CLEC4D: variants seen among roughly 807,000 people sequenced by gnomAD.
The protein encoded by CLEC4D is C-type lectin domain family 4 member D, also known as C-type (calcium dependent, carbohydrate-recognition domain) lectin, superfamily member 8.
In CLEC4D, 21 loss-of-function variants were observed where a neutral mutation model predicts 21.1. That is an observed-to-expected ratio of 1.00 (90% CI 0.71 to 1.43). The LOEUF is 1.43. CLEC4D is among the 40% of genes most tolerant of loss of function. The pLI, the probability that CLEC4D is intolerant of heterozygous loss-of-function variation, is 0.00. For synonymous variants in CLEC4D, 85 were observed against 83.1 expected (o/e 1.02, Z -0.12); for missense variants, 289 against 260.7 (o/e 1.11, Z -0.75).
intron 1 of CLEC4D, among the ~76,000 whole-genome samples, chr12:8,513,994 A>C (rs1940343068): frequency 1.3e-5 from 2 of 152,248 alleles, no homozygotes; most frequent in South Asian, 2.1e-4. Flanking sequence ...TATATAAAAG[A>C]GAAATAAGAT....
Position 8,519,091 on chromosome 12 carries a change from G to A in CLEC4D, c.315G>A (p.Trp105Ter). The stretch of plus-strand genomic sequence containing the variant: ...TTCCTCTTACTGACAACAAGACGTG[G>A]GCTGAGAGTGAAAGGAACTGTTCAG... ...CYFPLTDNKT[W>*]AESERNCSGM... Residue 105 changes from tryptophan to a stop codon, truncating the protein, a stop_gained, in exon 4 of 6, where the codon TGG becomes TGA. Transcript: ENST00000299665. LOFTEE classifies it high-confidence loss of function. The A allele has an allele frequency of 1.2e-6, 2 of 1,614,110 alleles. No individual in the cohort carries two copies. Among genetic ancestry groups the A allele is most frequent in the Non-Finnish European group, 1.7e-6 (2 of 1,180,008 alleles).
Position 8,519,030 on chromosome 12 carries a change from C to G in CLEC4D, c.254C>G (p.Pro85Arg), listed in dbSNP as rs144479200. Residue 85 changes from proline to arginine, a missense_variant, in exon 4 of 6, where the codon CCT becomes CGT. By Grantham distance (103) the Pro-to-Arg change is moderately radical. Coordinates refer to ENST00000299665, the MANE Select transcript of CLEC4D (RefSeq NM_080387.5). ...SAEGSTWNCC[P>R]IDWRAFQSNC... The stretch of plus-strand genomic sequence containing the variant: ...TGAGGGAGCACCTGGAACTGTTGTC[C>G]TATTGACTGGAGAGCCTTCCAGTCC... The G allele has an allele frequency of 1.2e-6, 2 of 1,613,848 alleles. No homozygotes were observed. The highest frequency in any genetic ancestry group is 2.7e-5 in the African/African-American group (2 of 74,900).
At chr12:8,529,175 G>T in the CLEC4D span, among the ~76,000 whole-genome samples, 5 of 152,110 alleles carry the variant, frequency 3.3e-5, no homozygotes, top group Non-Finnish European at 5.9e-5. Context: ...CGTTCAGATT[G>T]GGAAAGGAAG....
Position 8,522,187 on chromosome 12 carries a change from C to T in CLEC4D, c.*916C>T, listed in dbSNP as rs747462360. The T allele has an allele frequency of 2.6e-5, 4 of 152,136 alleles. No homozygotes were observed. Among genetic ancestry groups the T allele is most frequent in the Non-Finnish European group, 5.9e-5 (4 of 67,990 alleles). The allele number at this position is 152,136 out of a possible 1,614,324, so 9.4% of individuals were successfully genotyped here. ...TATTAATTTGAATAGAAAATAATCA[C>T]ATTTTCAACCCATTTATACAAATTG... On this transcript the variant is annotated 3_prime_UTR_variant, in exon 6 of 6. Coordinates refer to ENST00000299665, the MANE Select transcript of CLEC4D (RefSeq NM_080387.5).
At chr12:8,513,794 G>T (rs1009500974) in intron 1 of CLEC4D, 34 bp downstream of exon 1, 1 of 929,720 alleles carries the variant, frequency 1.1e-6, no homozygotes, top group Non-Finnish European at 1.8e-6. Context: ...TTTCAAAGAA[G>T]CAGATGGAAT....
Position 8,518,278 on chromosome 12 carries a change from C to T in CLEC4D, c.232+4C>T. On this transcript the variant is annotated splice_donor_region_variant and intron_variant, in intron 3 of 5. Coordinates refer to ENST00000299665, the MANE Select transcript of CLEC4D (RefSeq NM_080387.5). ...TCAGAACTGAAAAGTGCTGAAGGTA[C>T]AGAGTGTAAGATAATTTCTTTTTTA... 9.7e-7 allele frequency: 1 copy of T among 1,029,242 alleles called. No individual in the cohort carries two copies. Among genetic ancestry groups the T allele is most frequent in the Non-Finnish European group, 1.5e-6 (1 of 651,898 alleles). 63.8% of individuals were successfully genotyped at this position (1,029,242 alleles called of 1,614,324 possible). A position where few individuals can be genotyped will look rare whatever the true frequency, so the allele number is the denominator to read the frequency against.
In CLEC4D at chr12:8,513,593, C is replaced by T; in HGVS notation, c.-140C>T. ...TTTCTTATACTGGTACCTTTCTAAT[C>T]TCACTACAATATGTAACATTGGTGT... On this transcript the variant is annotated 5_prime_UTR_variant, in exon 1 of 6. Transcript: ENST00000299665. 1 of 472,634 alleles carries T rather than the reference C, an allele frequency of 2.1e-6. No individual in the cohort carries two copies. The highest frequency in any genetic ancestry group is 3.9e-6 in the Non-Finnish European group (1 of 256,414). The allele number at this position is 472,634 out of a possible 1,614,324, so 29.3% of individuals were successfully genotyped here.
chr12:8,530,169 T>C, the CLEC4D span, among the ~76,000 whole-genome samples: 1 of 152,136 alleles, frequency 6.6e-6, no homozygotes, highest in African/African-American at 2.4e-5. Flanking sequence ...AAAGAAGAAA[T>C]GAAAGGAATT....
downstream of CLEC4D, among the ~76,000 whole-genome samples, chr12:8,525,102 A>G (rs1301842517): frequency 6.6e-6 from 1 of 152,072 alleles, no homozygotes; most frequent in Non-Finnish European, 1.5e-5. Context: ...ATTTGCTGAG[A>G]AGTGCTTTAC....
intron 2 of CLEC4D, among the ~76,000 whole-genome samples, chr12:8,517,279 GTTTA>G (rs1940392918): frequency 6.6e-6 from 1 of 151,826 alleles, no homozygotes; most frequent in Non-Finnish European, 1.5e-5. Context: ...TTTTACATTT[GTTTA>G]TTTTTTATTA....
In CLEC4D at chr12:8,522,142, CATT is replaced by C. The variant is rs1193685780; in HGVS notation, c.*872_*874del. The C allele has an allele frequency of 6.6e-6, 1 of 152,132 alleles. No homozygotes were observed. Among genetic ancestry groups the C allele is most frequent in the Admixed American group, 6.5e-5 (1 of 15,272 alleles). 9.4% of individuals were successfully genotyped at this position (152,132 alleles called of 1,614,324 possible). On this transcript the variant is annotated 3_prime_UTR_variant, in exon 6 of 6. Coordinates refer to ENST00000299665, the MANE Select transcript of CLEC4D (RefSeq NM_080387.5). ...AAAATTTCTTAATTGTTTGAAGTAA[CATT>C]GTATTCGTGTTTGCATTATTAATTT...
chr12:8,514,042 G>T (rs1352410727), intron 1 of CLEC4D, among the ~76,000 whole-genome samples: 1 of 151,910 alleles, frequency 6.6e-6, no homozygotes, highest in Admixed American at 6.6e-5. Context: ...TTCTTTTAAA[G>T]AAAAAAGAGA....
At chr12:8,520,187 G>A (rs765566533) in intron 4 of CLEC4D, 39 bp from the exon 5 acceptor site, 1 of 1,606,058 alleles carries the variant, frequency 6.2e-7, no homozygotes, top group Non-Finnish European at 8.5e-7. Flanking sequence ...GCCATCACCT[G>A]ATTCATGCAA....
rs1157832584 is a variant in CLEC4D, at chr12:8,515,280, G to A, written c.73G>A (p.Val25Ile). 2 of 1,545,346 alleles carry A rather than the reference G, an allele frequency of 1.3e-6. No individual in the cohort carries two copies. The highest frequency in any genetic ancestry group is 2.2e-5 in the East Asian group (1 of 44,550). ...HPQLIPSVIA[V>I]VFILLLSVCF... ...CCAGCTGATACCTTCGGTTATTGCT[G>A]TAGTTTTCATCTTACTTCTCAGTGT... is the stretch of plus-strand genomic sequence containing the variant. The change falls in exon 2 of 6, where the codon GTA becomes ATA. Residue 25 changes from valine (V) to isoleucine (I), a missense_variant. Val to Ile is a conservative substitution (Grantham distance 29). Transcript: ENST00000299665.
intron 5 of CLEC4D, 113 bp downstream of exon 5, chr12:8,520,454 C>G (rs1940444532): frequency 2.5e-5 from 36 of 1,429,142 alleles, no homozygotes; most frequent in South Asian, 1.2e-4. Context: ...AGAGAGACCA[C>G]TGTAGGTTGA....
chr12:8,526,960 C>T (rs924608379), downstream of CLEC4D, among the ~76,000 whole-genome samples: 3 of 152,066 alleles, frequency 2.0e-5, no homozygotes, highest in Non-Finnish European at 4.4e-5. Context: ...TTCTGTAGGG[C>T]TGCTGCAGTT....
intron 1 of CLEC4D, among the ~76,000 whole-genome samples, 180 bp from the exon 2 acceptor site, chr12:8,515,056 T>G (rs1293070680): frequency 1.3e-5 from 2 of 152,138 alleles, no homozygotes; most frequent in Non-Finnish European, 2.9e-5. Context: ...ACATTTTTCT[T>G]TCTTATTTAT....
intron 5 of CLEC4D, 94 bp downstream of exon 5, chr12:8,520,435 A>G: frequency 2.6e-6 from 4 of 1,510,938 alleles, no homozygotes; most frequent in Non-Finnish European, 3.6e-6. Context: ...CATTGATATA[A>G]AAATGTTAAG....
chr12:8,517,626 A>T (rs910327449), intron 2 of CLEC4D, among the ~76,000 whole-genome samples: 6 of 152,088 alleles, frequency 3.9e-5, no homozygotes, highest in Non-Finnish European at 7.4e-5. Flanking sequence ...GCATGTGCAC[A>T]TAAAAGTTTG....
Sources: gnomAD v4.1 joint callset for allele counts (sites outside exome capture counted in the v4.1 genomes callset) on GRCh38, gnomAD v4.1.1 for gene constraint, MANE v1.5 for transcripts, NCBI Gene and HGNC (gene_info 2026-07-23, HGNC 2026-07-21) for gene names.